The following TENM3 variants were observed in gnomAD, a reference collection of about 807,000 sequenced individuals.
The protein encoded by TENM3 is teneurin-3.
In TENM3, 63 loss-of-function variants were observed where a neutral mutation model predicts 255.1. The ratio of observed to expected loss-of-function variants is 0.25; its 90% CI spans 0.20 to 0.30. The LOEUF is 0.30. Ranked by LOEUF, TENM3 falls within the 10% of genes least tolerant of loss-of-function variation. The pLI is 1.00. For synonymous variants in TENM3, 1,306 were observed against 1,322.3 expected (o/e 0.99, Z 0.27); for missense variants, 2,929 against 3,461.1 (o/e 0.85, Z 3.86).
At chr4:182,714,477 T>C (rs1277022843) in intron 13 of TENM3, among the ~76,000 whole-genome samples, 1 of 152,222 alleles carries the variant, frequency 6.6e-6, no homozygotes, top group Admixed American at 6.5e-5. Context: ...CTGCATAATG[T>C]CCATTGTTCT....
chr4:181,461,937 A>G, the TENM3 span, among the ~76,000 whole-genome samples: 66 of 152,270 alleles, frequency 4.3e-4, 1 homozygote, highest in East Asian at 0.012. Flanking sequence ...TGAATGCCAG[A>G]CATTATGAAT....
chr4:181,518,915 C>G, the TENM3 span, among the ~76,000 whole-genome samples: 17 of 152,054 alleles, frequency 1.1e-4, no homozygotes, highest in African/African-American at 4.1e-4. Flanking sequence ...TCTAATTGCC[C>G]GTAGTACAAT....
At chr4:182,773,685 G>A (rs898650187) in intron 23 of TENM3, 38 bp downstream of exon 23, 1 of 1,574,512 alleles carries the variant, frequency 6.4e-7, no homozygotes, top group Admixed American at 1.8e-5. Flanking sequence ...AGTACCACCA[G>A]CACCCAGACA....
At chr4:181,811,422 A>G in the TENM3 span, among the ~76,000 whole-genome samples, 1 of 152,250 alleles carries the variant, frequency 6.6e-6, no homozygotes, top group Non-Finnish European at 1.5e-5. Context: ...CACTTTGGCC[A>G]AAAAGTTATT....
chr4:182,759,573 T>A (rs1318285971), intron 22 of TENM3, among the ~76,000 whole-genome samples: 3 of 152,254 alleles, frequency 2.0e-5, no homozygotes, highest in Non-Finnish European at 4.4e-5. Flanking sequence ...TCAGTTGATC[T>A]TCTTATTCCA....
the TENM3 span, among the ~76,000 whole-genome samples, chr4:181,777,215 G>C: frequency 6.6e-6 from 1 of 151,882 alleles, no homozygotes; most frequent in Non-Finnish European, 1.5e-5. Flanking sequence ...CAATGAGTTG[G>C]CTAGAAGTAT....
chr4:182,480,598 C>G (rs544121828), intron 3 of TENM3, among the ~76,000 whole-genome samples: 3 of 151,926 alleles, frequency 2.0e-5, no homozygotes, highest in Non-Finnish European at 4.4e-5. Flanking sequence ...AAAGTGTCTT[C>G]GTAAAGATGA....
chr4:181,832,826 G>T, the TENM3 span, among the ~76,000 whole-genome samples: 1 of 152,244 alleles, frequency 6.6e-6, no homozygotes, highest in Non-Finnish European at 1.5e-5. Flanking sequence ...GGGTTGTGTG[G>T]GGGGCAGCCC....
chr4:181,603,989 G>A, the TENM3 span, among the ~76,000 whole-genome samples: 1 of 152,190 alleles, frequency 6.6e-6, no homozygotes, highest in East Asian at 1.9e-4. Context: ...TGATTGCCGG[G>A]CGCGGTGGCT....
intron 3 of TENM3, among the ~76,000 whole-genome samples, chr4:182,418,629 C>G (rs1770560264): frequency 2.0e-5 from 3 of 152,192 alleles, no homozygotes; most frequent in Admixed American, 1.3e-4. Flanking sequence ...GGCACTATCA[C>G]AGCTCAAGGC....
the TENM3 span, among the ~76,000 whole-genome samples, chr4:181,957,839 C>A: frequency 1.3e-5 from 2 of 152,164 alleles, no homozygotes; most frequent in East Asian, 3.9e-4. Flanking sequence ...GCTCAGCGCA[C>A]TAAATGTTCT....
intron 3 of TENM3, among the ~76,000 whole-genome samples, chr4:182,544,077 T>C (rs1741171701): frequency 6.6e-6 from 1 of 152,186 alleles, no homozygotes; most frequent in African/African-American, 2.4e-5. Context: ...CAATGTTTCC[T>C]GACAAATAAG....
At chr4:182,275,640 AAG>A (rs1346286208) in intron 1 of TENM3, among the ~76,000 whole-genome samples, 1 of 152,036 alleles carries the variant, frequency 6.6e-6, no homozygotes, top group African/African-American at 2.4e-5. Flanking sequence ...AAAAAAAAAG[AAG>A]AGAGATGTTA....
the TENM3 span, among the ~76,000 whole-genome samples, chr4:182,130,038 T>C: frequency 1.3e-5 from 2 of 152,148 alleles, no homozygotes; most frequent in East Asian, 3.9e-4. Context: ...GTCAGAATAG[T>C]TTACCACTCC....
chr4:182,737,751 C>G (rs1261354694), intron 17 of TENM3, among the ~76,000 whole-genome samples: 2 of 152,070 alleles, frequency 1.3e-5, no homozygotes, highest in Non-Finnish European at 2.9e-5. Context: ...GAACATTGTA[C>G]TCTGAAATTA....
chr4:182,413,030 A>C (rs1338928391), intron 3 of TENM3, among the ~76,000 whole-genome samples: 1 of 152,096 alleles, frequency 6.6e-6, no homozygotes, highest in Non-Finnish European at 1.5e-5. Flanking sequence ...TGACCTGACA[A>C]GTAGTGTTAA....
chr4:182,765,586 T>C (rs1032667183), intron 22 of TENM3, among the ~76,000 whole-genome samples: 9 of 152,166 alleles, frequency 5.9e-5, no homozygotes, highest in African/African-American at 2.2e-4. Context: ...TTAGTCTCCA[T>C]ATTCTCTCAT....
intron 1 of TENM3, among the ~76,000 whole-genome samples, chr4:182,206,180 T>C (rs1299939317): frequency 6.6e-6 from 1 of 152,206 alleles, no homozygotes; most frequent in Non-Finnish European, 1.5e-5. Context: ...AGAATTTCCC[T>C]GTGACCTGAA....
chr4:181,676,989 CT>C, the TENM3 span, among the ~76,000 whole-genome samples: 244 of 137,670 alleles, frequency 1.8e-3, no homozygotes, highest in Middle Eastern at 7.8e-3. Context: ...CCGATTTTAT[CT>C]TTTTTTTTTT....
Sources: allele counts gnomAD v4.1 joint callset (sites outside exome capture counted in the v4.1 genomes callset), GRCh38; gene constraint gnomAD v4.1.1; transcripts MANE v1.5; gene names NCBI Gene and HGNC (gene_info 2026-07-23, HGNC 2026-07-21).